The following RAD51B variants were observed in gnomAD, a reference collection of about 807,000 sequenced individuals.
RAD51B encodes the protein DNA repair protein RAD51 homolog 2.
In RAD51B, 38 loss-of-function variants were observed where a neutral mutation model predicts 42.2. The observed-to-expected ratio is 0.90, with a 90% CI of 0.70 to 1.18. The LOEUF (loss-of-function observed/expected upper bound fraction) is 1.18, where lower values mean the gene tolerates loss of function less well. Among genes scored for constraint, RAD51B ranks in the 50% most tolerant of loss-of-function variants. The pLI, the probability that RAD51B is intolerant of heterozygous loss-of-function variation, is 0.00. For missense variants in RAD51B, 373 were observed against 400.7 expected (o/e 0.93, Z 0.59); for synonymous variants, 154 against 145.2 (o/e 1.06, Z -0.43).
intron 11 of RAD51B, among the ~76,000 whole-genome samples, chr14:68,661,638 G>T (rs1464622015): frequency 6.6e-6 from 1 of 152,246 alleles, no homozygotes; most frequent in Non-Finnish European, 1.5e-5. Flanking sequence ...CCAAGGAAGT[G>T]TTAGCATGAA....
intron 7 of RAD51B, among the ~76,000 whole-genome samples, chr14:68,109,424 ATGTGTGAG>A (rs954069602): frequency 2.6e-5 from 4 of 151,908 alleles, no homozygotes; most frequent in African/African-American, 9.7e-5. Context: ...TGCTAATGAG[ATGTGTGAG>A]TGTCCTACCC....
At chr14:68,003,426 G>A (rs1356004165) in intron 7 of RAD51B, among the ~76,000 whole-genome samples, 3 of 152,146 alleles carry the variant, frequency 2.0e-5, no homozygotes, top group Non-Finnish European at 4.4e-5. Context: ...TGGGTTGAGA[G>A]GATGGTGTTT....
chr14:68,468,252 T>G lies in RAD51B; in HGVS notation c.1036+2T>G. ...AGGAGGAAGGCCTGGTTCTTCAAGG[T>G]AAGATCCTTGGATTAAGCCATTTCT... is the stretch of plus-strand genomic sequence containing the variant. On this transcript the variant is annotated splice_donor_variant, in intron 10 of 10. Transcript: ENST00000471583. LOFTEE classifies it high-confidence loss of function. The G allele has an allele frequency of 4.3e-6, 7 of 1,611,180 alleles. No homozygotes were observed. The highest frequency in any genetic ancestry group is 5.1e-6 in the Non-Finnish European group (6 of 1,177,322).
At chr14:67,926,678 C>T (rs1417518642) in intron 7 of RAD51B, among the ~76,000 whole-genome samples, 1 of 150,752 alleles carries the variant, frequency 6.6e-6, no homozygotes, top group Non-Finnish European at 1.5e-5. Flanking sequence ...ATTCTCCTGC[C>T]TCAGCCTCCC....
At chr14:68,193,449 T>C (rs975559513) in intron 7 of RAD51B, among the ~76,000 whole-genome samples, 4 of 152,148 alleles carry the variant, frequency 2.6e-5, no homozygotes, top group African/African-American at 7.2e-5. Context: ...CTCCAGATAA[T>C]TGGCTTGGCA....
chr14:68,166,168 C>CTTTTTTTTTT (rs71129871), intron 7 of RAD51B, among the ~76,000 whole-genome samples: 1 of 132,036 alleles, frequency 7.6e-6, no homozygotes, highest in Non-Finnish European at 1.6e-5. Context: ...TATTTCTGCT[C>CTTTTTTTTTT]TTTTTTTTTT....
chr14:68,141,292 C>A (rs1403325396), intron 7 of RAD51B, among the ~76,000 whole-genome samples: 6 of 152,154 alleles, frequency 3.9e-5, no homozygotes, highest in Non-Finnish European at 8.8e-5. Flanking sequence ...CTTTAAAATT[C>A]ATCTATTTTA....
chr14:68,373,871 G>T (rs977925843), intron 8 of RAD51B, among the ~76,000 whole-genome samples: 2 of 152,178 alleles, frequency 1.3e-5, no homozygotes, highest in African/African-American at 4.8e-5. Context: ...TGCCTCTTAT[G>T]TAGTCAGTGA....
chr14:68,306,736 C>A, intron 8 of RAD51B: 1 of 434,368 alleles, frequency 2.3e-6, no homozygotes, highest in Admixed American at 2.4e-5. Flanking sequence ...TGTTCTCTTT[C>A]AGAAGATGAA....
intron 10 of RAD51B, among the ~76,000 whole-genome samples, chr14:68,639,899 C>CCTGAGTAGCTGGGATTACAGGCCTG (rs371692246): frequency 5.3e-5 from 8 of 152,074 alleles, no homozygotes; most frequent in Admixed American, 3.3e-4. Context: ...ACACAATTCT[C>CCTGAGTAGCTGGGATTACAGGCCTG]CTGAGTAGCT....
chr14:68,130,427 A>C (rs2077863346), intron 7 of RAD51B, among the ~76,000 whole-genome samples: 1 of 152,226 alleles, frequency 6.6e-6, no homozygotes, highest in African/African-American at 2.4e-5. Context: ...AGATAAATTC[A>C]CCAAGATGAA....
chr14:68,284,811 C>A (rs997335658), intron 7 of RAD51B, among the ~76,000 whole-genome samples: 3 of 151,574 alleles, frequency 2.0e-5, no homozygotes, highest in Non-Finnish European at 4.4e-5. Flanking sequence ...CATGGCAAAA[C>A]TAAGCCAGCA....
chr14:68,648,087 G>A (rs1288272752), intron 10 of RAD51B, among the ~76,000 whole-genome samples: 13 of 19,102 alleles, frequency 6.8e-4, no homozygotes, highest in Middle Eastern at 0.031. Context: ...GTATATATAC[G>A]TGTGTGTATA....
chr14:68,609,454 A>G (rs913005946), intron 10 of RAD51B, among the ~76,000 whole-genome samples: 1 of 151,730 alleles, frequency 6.6e-6, no homozygotes, highest in Non-Finnish European at 1.5e-5. Context: ...CTCAGAGCTC[A>G]CTCACTCACA....
intron 8 of RAD51B, among the ~76,000 whole-genome samples, chr14:68,302,527 T>C (rs561029937): frequency 4.8e-4 from 73 of 152,050 alleles, no homozygotes; most frequent in Admixed American, 7.2e-4. Flanking sequence ...ACCAGCTCGG[T>C]TGGGGAGACC....
At chr14:68,132,912 A>G (rs180751306) in intron 7 of RAD51B, among the ~76,000 whole-genome samples, 216 of 152,350 alleles carry the variant, frequency 1.4e-3, no homozygotes, top group Non-Finnish European at 2.5e-3. Flanking sequence ...CAAGTGCCCA[A>G]TTCTGAACAA....
intron 7 of RAD51B, among the ~76,000 whole-genome samples, chr14:68,079,583 G>T (rs1548265): frequency 0.26 from 39,324 of 152,018 alleles, 6,572 homozygotes; most frequent in African/African-American, 0.48. Context: ...ATTTTAGAAT[G>T]TGAATGAGCC....
At chr14:68,303,237 C>T (rs760043138) in intron 8 of RAD51B, among the ~76,000 whole-genome samples, 56 of 152,144 alleles carry the variant, frequency 3.7e-4, no homozygotes, top group Non-Finnish European at 6.0e-4. Context: ...AACCAAACAC[C>T]GCATGTTCTC....
At chr14:68,403,997 A>T (rs1315365532) in intron 8 of RAD51B, among the ~76,000 whole-genome samples, 1 of 152,202 alleles carries the variant, frequency 6.6e-6, no homozygotes, top group Non-Finnish European at 1.5e-5. Context: ...ACATGCTTTG[A>T]CTTACCTAAA....
Sources: gnomAD v4.1 joint callset for allele counts (sites outside exome capture counted in the v4.1 genomes callset) on GRCh38, gnomAD v4.1.1 for gene constraint, MANE v1.5 for transcripts, NCBI Gene and HGNC (gene_info 2026-07-23, HGNC 2026-07-21) for gene names.